Variants in SPOCK3 observed in about 807,000 individuals in gnomAD.
The protein encoded by SPOCK3 is SPARC (osteonectin), cwcv and kazal like domains proteoglycan 3, also known as testican-3.
In SPOCK3, 30 loss-of-function variants were observed where a neutral mutation model predicts 56.6. The ratio of observed to expected loss-of-function variants is 0.53; its 90% CI spans 0.40 to 0.72. SPOCK3 has a LOEUF of 0.72. Among genes scored for constraint, SPOCK3 ranks in the 30% least tolerant of loss-of-function variants. SPOCK3 has a pLI of 0.00. For synonymous variants in SPOCK3, 196 were observed against 183.3 expected, an observed-to-expected ratio of 1.07 and a Z score of -0.56; for missense variants, 527 against 530.0, an observed-to-expected ratio of 0.99 and a Z score of 0.06.
At chr4:166,893,988 T>A (rs1319055539) in intron 5 of SPOCK3, among the ~76,000 whole-genome samples, 1 of 152,116 alleles carries the variant, frequency 6.6e-6, no homozygotes, top group Non-Finnish European at 1.5e-5. Flanking sequence ...CAGCCTTAAA[T>A]CCATTTGTTC....
At chr4:167,027,422 T>A (rs768526860) in intron 3 of SPOCK3, among the ~76,000 whole-genome samples, 1 of 152,004 alleles carries the variant, frequency 6.6e-6, no homozygotes, top group Non-Finnish European at 1.5e-5. Flanking sequence ...ATGTCCCTTG[T>A]CTTGCATTTT....
intron 4 of SPOCK3, 67 bp downstream of exon 4, chr4:167,000,282 A>G: frequency 1.4e-6 from 1 of 740,304 alleles, no homozygotes; most frequent in Non-Finnish European, 2.2e-6. Flanking sequence ...CCAAATATTT[A>G]TACTCTGCAG....
In SPOCK3 at chr4:166,754,699, T is replaced by C. The variant is rs555736304; in HGVS notation, c.740A>G (p.Lys247Arg). 6.2e-7 allele frequency: 1 copy of C among 1,613,524 alleles called. No individual in the cohort carries two copies. Among genetic ancestry groups the C allele is most frequent in the South Asian group, 1.1e-5 (1 of 91,046 alleles). The stretch of plus-strand genomic sequence containing the variant: ...GTTAAACATCCAGCCAAGTGAGTCC[T>C]TGCAAATTGGCAAGATGCTGGTATC... ...RFDTSILPIC[K>R]DSLGWMFNRL... The change falls in exon 8 of 11, where the codon AAG becomes AGG. Residue 247 changes from lysine (K) to arginine (R), a missense_variant. Lys to Arg is a conservative substitution (Grantham distance 26). Coordinates refer to ENST00000357545, the MANE Select transcript of SPOCK3 (RefSeq NM_001040159.2).
chr4:166,921,760 AC>A (rs2149977989), intron 4 of SPOCK3, among the ~76,000 whole-genome samples: 1 of 152,334 alleles, frequency 6.6e-6, no homozygotes, highest in African/African-American at 2.4e-5. Context: ...TATTATTGTT[AC>A]TTATATATTA....
At position 167,233,995 on chromosome 4, in the gene SPOCK3, T is replaced by C. The variant is rs775142804; in HGVS notation, c.179A>G (p.Lys60Arg). The change falls in exon 2 of 11, where the codon AAA (lysine) becomes AGA (arginine). Residue 60 changes from lysine (K) to arginine (R), a missense_variant. Lys to Arg is a conservative substitution (Grantham distance 26). Coordinates refer to ENST00000357545, the MANE Select transcript of SPOCK3 (RefSeq NM_001040159.2). Reference sequence around the variant, plus strand: ...GTGCGCGGAACTTACGTCTCGGAATTTGTTCCACTGTCCGACTTCCTTGTC... The same window carrying C: ...GTGCGCGGAACTTACGTCTCGGAATCTGTTCCACTGTCCGACTTCCTTGTC... ...QYDKEVGQWN[K>R]FRDDDYFRTW... The C allele has an allele frequency of 6.2e-7, 1 of 1,613,386 alleles. No individual in the cohort carries two copies.
At chr4:167,225,792 G>C (rs1306575746) in intron 2 of SPOCK3, among the ~76,000 whole-genome samples, 1 of 151,748 alleles carries the variant, frequency 6.6e-6, no homozygotes, top group Non-Finnish European at 1.5e-5. Context: ...AAAATCTAAA[G>C]AGTAAAGCCT....
chr4:166,879,121 A>C (rs1733425003), intron 6 of SPOCK3, among the ~76,000 whole-genome samples: 2 of 152,206 alleles, frequency 1.3e-5, no homozygotes, highest in African/African-American at 4.8e-5. Context: ...ATATATATGC[A>C]GAGTGTAGAT....
chr4:166,841,063 C>A (rs1747238958), intron 6 of SPOCK3, among the ~76,000 whole-genome samples: 1 of 151,916 alleles, frequency 6.6e-6, no homozygotes, highest in Non-Finnish European at 1.5e-5. Context: ...CAGGCGTAAG[C>A]CCCCACGCCC....
chr4:167,212,525 G>A (rs1459163014), intron 2 of SPOCK3, among the ~76,000 whole-genome samples: 2 of 152,122 alleles, frequency 1.3e-5, no homozygotes, highest in Non-Finnish European at 2.9e-5. Context: ...ACAGGCGGGA[G>A]CCACGGCGCC....
At chr4:166,741,587 A>G (rs2126393255) in intron 9 of SPOCK3, among the ~76,000 whole-genome samples, 1 of 152,264 alleles carries the variant, frequency 6.6e-6, no homozygotes, top group Non-Finnish European at 1.5e-5. Flanking sequence ...CAACAAGTCT[A>G]TTCAAATTTC....
chr4:167,133,008 A>C lies in SPOCK3; in HGVS notation c.190-70471T>G, dbSNP rs531698863. 2.0e-5 allele frequency among the ~76,000 whole-genome samples: 3 copies of C among 152,352 alleles called. No individual in the cohort carries two copies. The South Asian group carries it at 6.2e-4, about 32-fold the overall frequency. The stretch of plus-strand genomic sequence containing the variant: ...GGGACTACCATTCAATCCACTGCAG[A>C]GACTAAATATTATCATTATATAAAC... On this transcript the variant is annotated intron_variant, in intron 2 of 10. Transcript: ENST00000357545.
chr4:166,734,964 C>T lies in SPOCK3; in HGVS notation c.1259G>A (p.Gly420Glu). Residue 420 changes from glycine (G) to glutamate (E), a missense_variant, in exon 11 of 11, where the codon GGG becomes GAG. By Grantham distance (98) the Gly-to-Glu change is moderately conservative. Transcript: ENST00000357545. Reference sequence around the variant, plus strand: ...GTCATCACCACCATCATCATCATCCCCTTCATCTTCATCATCATCTTCAAT... The same window carrying T: ...GTCATCACCACCATCATCATCATCCTCTTCATCTTCATCATCATCTTCAAT... ...DEIEDDDEDEGDDDDGGDDHD... is the reference protein window; with the variant it reads ...DEIEDDDEDEEDDDDGGDDHD... 2 of 1,519,602 alleles carry T rather than the reference C, an allele frequency of 1.3e-6. No homozygotes were observed. The highest frequency in any genetic ancestry group is 4.5e-5 in the East Asian group (2 of 44,108). 94.1% of individuals were successfully genotyped at this position (1,519,602 alleles called of 1,614,324 possible).
At chr4:167,074,632 C>T (rs1561189838) in intron 2 of SPOCK3, among the ~76,000 whole-genome samples, 1 of 151,864 alleles carries the variant, frequency 6.6e-6, no homozygotes, top group African/African-American at 2.4e-5. Flanking sequence ...ATCGCTATAG[C>T]ATTGTTTTTG....
intron 8 of SPOCK3, among the ~76,000 whole-genome samples, chr4:166,749,536 A>G (rs908494875): frequency 3.9e-5 from 6 of 152,014 alleles, no homozygotes; most frequent in Non-Finnish European, 1.5e-5. Flanking sequence ...TACCTATTGT[A>G]AATGACGAGT....
chr4:166,802,153 T>A (rs1342004207), intron 6 of SPOCK3, among the ~76,000 whole-genome samples: 3 of 151,620 alleles, frequency 2.0e-5, no homozygotes, highest in East Asian at 2.0e-4. Context: ...AATTAGAGAA[T>A]AAGCAAACAT....
chr4:166,813,114 A>G (rs2126731664), intron 6 of SPOCK3, among the ~76,000 whole-genome samples: 1 of 152,194 alleles, frequency 6.6e-6, no homozygotes, highest in Non-Finnish European at 1.5e-5. Context: ...TCTGTCCATG[A>G]TTAATGTAAC....
chr4:166,892,840 T>G (rs1428410609), intron 5 of SPOCK3, among the ~76,000 whole-genome samples: 1 of 152,006 alleles, frequency 6.6e-6, no homozygotes, highest in African/African-American at 2.4e-5. Context: ...ATAAGAGGAT[T>G]GAAGAAAATA....
At chr4:166,951,946 G>A (rs1230022697) in intron 4 of SPOCK3, among the ~76,000 whole-genome samples, 2 of 152,024 alleles carry the variant, frequency 1.3e-5, no homozygotes, top group African/African-American at 4.8e-5. Flanking sequence ...AATAATAAGA[G>A]CTATCTATGA....
intron 4 of SPOCK3, among the ~76,000 whole-genome samples, chr4:166,964,623 G>T (rs888556600): frequency 6.6e-6 from 1 of 151,428 alleles, no homozygotes. Flanking sequence ...TAAATATATA[G>T]TTGATATTAT....
Sources: gnomAD v4.1 joint callset for allele counts (sites outside exome capture counted in the v4.1 genomes callset) on GRCh38, gnomAD v4.1.1 for gene constraint, MANE v1.5 for transcripts, NCBI Gene and HGNC (gene_info 2026-07-23, HGNC 2026-07-21) for gene names.